Variants in EPB41L4A observed in about 807,000 individuals in gnomAD.
EPB41L4A encodes band 4.1-like protein 4A.
In EPB41L4A, 100 loss-of-function variants were observed where a neutral mutation model predicts 108.6. The ratio of observed to expected loss-of-function variants is 0.92; its 90% confidence interval spans 0.78 to 1.09. The LOEUF (loss-of-function observed/expected upper bound fraction) is 1.09, where lower values mean the gene tolerates loss of function less well. Among genes scored for constraint, EPB41L4A ranks in the 50% least tolerant of loss-of-function variants. The pLI is 0.00. For synonymous variants in EPB41L4A, 319 were observed against 289.0 expected (o/e 1.10, Z -1.05); for missense variants, 1,030 against 842.7 (o/e 1.22, Z -2.75).
chr5:112,252,841 A>G (rs1360197323), intron 9 of EPB41L4A, among the ~76,000 whole-genome samples: 1 of 116,072 alleles, frequency 8.6e-6, no homozygotes, highest in African/African-American at 2.6e-5. Context: ...TCTATAATAA[A>G]AGTTGAAAGT....
At chr5:112,227,262 C>T (rs1407921756) in intron 12 of EPB41L4A, among the ~76,000 whole-genome samples, 7 of 152,176 alleles carry the variant, frequency 4.6e-5, no homozygotes, top group African/African-American at 7.2e-5. Flanking sequence ...CCTTACCCCT[C>T]ACTCTCAAAA....
intron 13 of EPB41L4A, among the ~76,000 whole-genome samples, chr5:112,144,283 GATTTT>G (rs1322701643): frequency 1.3e-5 from 2 of 152,108 alleles, no homozygotes; most frequent in African/African-American, 2.4e-5. Flanking sequence ...TAGACACTGA[GATTTT>G]ATTTTATTTA....
intron 4 of EPB41L4A, among the ~76,000 whole-genome samples, chr5:112,268,389 C>CA (rs112698178): frequency 1.8e-3 from 260 of 146,702 alleles, no homozygotes; most frequent in African/African-American, 5.7e-3. Context: ...AAAAAACAAA[C>CA]AAAAAAAAAA....
chr5:112,315,048 G>C (rs1755345126), intron 1 of EPB41L4A, among the ~76,000 whole-genome samples: 1 of 152,106 alleles, frequency 6.6e-6, no homozygotes, highest in Admixed American at 6.5e-5. Context: ...AGGGATATTT[G>C]GAAACCTGAA....
chr5:112,400,450 C>T (rs1048597466), intron 1 of EPB41L4A, among the ~76,000 whole-genome samples: 1 of 152,144 alleles, frequency 6.6e-6, no homozygotes, highest in East Asian at 1.9e-4. Flanking sequence ...GGCACAGCAT[C>T]TGCTTGGCTT....
intron 6 of EPB41L4A, chr5:112,263,392 T>G (rs1751630362): frequency 6.6e-6 from 1 of 152,202 alleles, no homozygotes; most frequent in Admixed American, 6.5e-5. Context: ...ACTTTTGAAA[T>G]CCATGAAGAA....
chr5:112,142,379 G>A (rs1759101134), downstream of EPB41L4A: 1 of 152,152 alleles, frequency 6.6e-6, no homozygotes, highest in South Asian at 2.1e-4. Flanking sequence ...GGTACTGCAA[G>A]TTATTTTAGC....
intron 12 of EPB41L4A, among the ~76,000 whole-genome samples, chr5:112,156,638 T>C (rs1759657799): frequency 6.6e-6 from 1 of 152,202 alleles, no homozygotes; most frequent in African/African-American, 2.4e-5. Context: ...AAATAATGTT[T>C]AGCTAGATGG....
chr5:112,402,792 G>T (rs139956486), intron 1 of EPB41L4A, among the ~76,000 whole-genome samples: 1,698 of 152,198 alleles, frequency 0.011, 25 homozygotes, highest in South Asian at 0.036. Flanking sequence ...ACATCTTCTT[G>T]AATACATACC....
Position 112,419,155 on chromosome 5 carries a change from G to T in EPB41L4A, c.-116C>A. The T allele has an allele frequency of 1.4e-6, 1 of 731,784 alleles. No individual in the cohort carries two copies. The highest frequency in any genetic ancestry group is 3.8e-4 in the Middle Eastern group (1 of 2,656). 45.3% of individuals were successfully genotyped at this position (731,784 alleles called of 1,614,324 possible). A position where few individuals can be genotyped will look rare whatever the true frequency, so the allele number is the denominator to read the frequency against. On this transcript the variant is annotated 5_prime_UTR_variant, in exon 1 of 23. Transcript: ENST00000261486. The stretch of plus-strand genomic sequence containing the variant: ...GTCCGCGCCGTGGCGAGGGTGAGAC[G>T]AGCAGCTCCCGGCGGGGTCCGGGGA...
intron 12 of EPB41L4A, among the ~76,000 whole-genome samples, chr5:112,155,431 C>T (rs1759614617): frequency 6.6e-6 from 1 of 151,682 alleles, no homozygotes; most frequent in African/African-American, 2.4e-5. Context: ...AGTAATATGA[C>T]AGCATCATGT....
At chr5:112,376,205 A>G (rs1759809597) in intron 1 of EPB41L4A, among the ~76,000 whole-genome samples, 1 of 152,256 alleles carries the variant, frequency 6.6e-6, no homozygotes, top group African/African-American at 2.4e-5. Context: ...TTAGAACATC[A>G]GCAAAACACA....
At chr5:112,339,450 A>C (rs1370238845) in intron 1 of EPB41L4A, among the ~76,000 whole-genome samples, 1 of 145,808 alleles carries the variant, frequency 6.9e-6, no homozygotes, top group Non-Finnish European at 1.5e-5. Flanking sequence ...ACAAGGAGAT[A>C]TATAGCTATA....
chr5:112,309,322 T>C (rs1754896438), intron 1 of EPB41L4A, among the ~76,000 whole-genome samples: 1 of 152,238 alleles, frequency 6.6e-6, no homozygotes, highest in Non-Finnish European at 1.5e-5. Context: ...CATCTTTCTT[T>C]TTCAAAACTA....
intron 1 of EPB41L4A, among the ~76,000 whole-genome samples, chr5:112,406,279 C>T (rs1330225221): frequency 6.6e-6 from 1 of 152,186 alleles, no homozygotes; most frequent in Admixed American, 6.5e-5. Flanking sequence ...CTGCTTTCTT[C>T]TCTGCATCCT....
chr5:112,254,886 G>C lies in EPB41L4A; in HGVS notation c.795+4343C>G, dbSNP rs116566114. On this transcript the variant is annotated intron_variant, in intron 9 of 22. Transcript: ENST00000261486. The stretch of plus-strand genomic sequence containing the variant: ...CATCAGCAAACCCCCTCACTCCTCA[G>C]TCTGTTCTCTCATATGTCCTTCACC... 6.7e-3 allele frequency among the ~76,000 whole-genome samples: 1,014 copies of C among 152,024 alleles called. 11 individuals are homozygous for C. The highest frequency in any genetic ancestry group is 0.023 in the African/African-American group (955 of 41,456).
rs567127745 is a variant in EPB41L4A, at chr5:112,280,451, T to C, written c.205-128A>G. ...TGGTCAGTTAAACACTTCTCTCATA[T>C]ACACACACAAACATACATAAGAGTT... is the stretch of plus-strand genomic sequence containing the variant. On this transcript the variant is annotated intron_variant, in intron 2 of 22. Transcript: ENST00000261486. The C allele has an allele frequency of 1.5e-4, 123 of 799,428 alleles. No individual in the cohort carries two copies. The African/African-American group carries it at 2.1e-3, about 13-fold the overall frequency. The allele number at this position is 799,428 out of a possible 1,614,324, so 49.5% of individuals were successfully genotyped here.
chr5:112,400,893 G>A (rs1320255157), intron 1 of EPB41L4A, among the ~76,000 whole-genome samples: 9 of 152,266 alleles, frequency 5.9e-5, no homozygotes, highest in Admixed American at 2.6e-4. Context: ...TGCAAGTACT[G>A]TTAAAACTTC....
At chr5:112,253,990 C>G (rs1291337378) in intron 9 of EPB41L4A, among the ~76,000 whole-genome samples, 1 of 152,150 alleles carries the variant, frequency 6.6e-6, no homozygotes, top group Non-Finnish European at 1.5e-5. Flanking sequence ...CTCCTTAAAG[C>G]AAGCCGGAGA....
Sources: gnomAD v4.1 joint callset for allele counts (sites outside exome capture counted in the v4.1 genomes callset) on GRCh38, gnomAD v4.1.1 for gene constraint, MANE v1.5 for transcripts, NCBI Gene and HGNC (gene_info 2026-07-23, HGNC 2026-07-21) for gene names.